The following PKLR variants were observed in gnomAD, a reference collection of about 807,000 sequenced individuals.
PKLR encodes pyruvate kinase PKLR.
Under a neutral mutation model 53.6 loss-of-function variants are expected in PKLR, and 38 were observed. The ratio of observed to expected loss-of-function variants is 0.71; its 90% CI spans 0.55 to 0.93. The LOEUF is 0.93. PKLR is among the 40% of genes least tolerant of loss of function. PKLR has a pLI of 0.00. For synonymous variants in PKLR, 328 were observed against 316.2 expected, an observed-to-expected ratio of 1.04 and a Z score of -0.39; for missense variants, 702 against 787.3, an observed-to-expected ratio of 0.89 and a Z score of 1.30.
chr1:155,298,131 G>A (rs1647701251), intron 2 of PKLR, among the ~76,000 whole-genome samples: 1 of 151,960 alleles, frequency 6.6e-6, no homozygotes, highest in Non-Finnish European at 1.5e-5. Flanking sequence ...CTGCCTTCCA[G>A]TTCAAGTGAT....
At position 155,293,562 on chromosome 1, in the gene PKLR, C is replaced by T. The variant is rs952129836; in HGVS notation, c.1145G>A (p.Arg382Gln). 4.3e-6 allele frequency: 7 copies of T among 1,614,154 alleles called. No individual in the cohort carries two copies. Among genetic ancestry groups the T allele is most frequent in the Admixed American group, 1.7e-5 (1 of 60,014 alleles). The change falls in exon 8 of 11, where the codon CGG becomes CAG. Residue 382 changes from arginine to glutamine, a missense_variant. Arg to Gln is a conservative substitution (Grantham distance 43). Around this residue, in one of 2 missense-constraint regions of PKLR, gnomAD observed 519 missense variants for 537.1 expected, o/e 0.97. Transcript: ENST00000342741. This position sits in a 1 kb window ranked among gnomAD's most constrained non-coding sequence, Gnocchi z 4.2. Reference protein sequence around the residue: ...QMLESMITKPRPTRAETSDVA... With the variant: ...QMLESMITKPQPTRAETSDVA... ...ATCGCTTGTCTCTGCCCTCGTTGGCCGGGGCTTGGTAATCATGCTCTCCAG... is the reference window on the plus strand; with the variant it reads ...ATCGCTTGTCTCTGCCCTCGTTGGCTGGGGCTTGGTAATCATGCTCTCCAG...
chr1:155,301,971 C>T (rs937731303), upstream of PKLR, among the ~76,000 whole-genome samples: 64 of 152,120 alleles, frequency 4.2e-4, no homozygotes, highest in African/African-American at 1.5e-3. Flanking sequence ...ACTGAAAGAT[C>T]GACTATTTTG....
At chr1:155,294,109 G>T (rs556455061) in intron 7 of PKLR, 126 bp downstream of exon 7, 1 of 1,111,476 alleles carries the variant, frequency 9.0e-7, no homozygotes, top group South Asian at 1.3e-5. Flanking sequence ...CTCCAGCCTG[G>T]ATGACAGAGT....
chr1:155,293,137 A>T lies in PKLR; in HGVS notation c.1436+40T>A. On this transcript the variant is annotated intron_variant, in intron 9 of 10. Coordinates refer to ENST00000342741, the MANE Select transcript of PKLR (RefSeq NM_000298.6). The surrounding 1 kb of genome is among the most constrained non-coding windows in gnomAD (Gnocchi z 4.2). ...TGGGGCCCGTCCCAGCCCACCCCTGACCCAAAGCTCCATCTGGACATTCCC... is the reference window on the plus strand; with the variant it reads ...TGGGGCCCGTCCCAGCCCACCCCTGTCCCAAAGCTCCATCTGGACATTCCC... 46 of 1,240,670 alleles carry T rather than the reference A, an allele frequency of 3.7e-5. No homozygotes were observed. Among genetic ancestry groups the T allele is most frequent in the Non-Finnish European group, 5.2e-5 (44 of 847,454 alleles). The allele number at this position is 1,240,670 out of a possible 1,614,324, so 76.9% of individuals were successfully genotyped here.
chr1:155,298,127 T>C (rs1647700930), intron 2 of PKLR, among the ~76,000 whole-genome samples: 3 of 151,980 alleles, frequency 2.0e-5, no homozygotes, highest in Non-Finnish European at 4.4e-5. Context: ...CTCCCTGCCT[T>C]CCAGTTCAAG....
chr1:155,299,108 T>G (rs1647828008), intron 2 of PKLR, among the ~76,000 whole-genome samples: 1 of 150,758 alleles, frequency 6.6e-6, no homozygotes, highest in South Asian at 2.1e-4. Flanking sequence ...CTGCTTGCTT[T>G]CTTTCCTTCC....
intron 10 of PKLR, among the ~76,000 whole-genome samples, chr1:155,291,268 C>T (rs1415379342): frequency 2.0e-5 from 3 of 151,912 alleles, no homozygotes; most frequent in East Asian, 2.0e-4. Flanking sequence ...GAGTCCGAGG[C>T]GGGCGGATCA....
chr1:155,296,360 CG>C (rs1231128428), intron 2 of PKLR, among the ~76,000 whole-genome samples: 11 of 151,346 alleles, frequency 7.3e-5, no homozygotes, highest in Non-Finnish European at 1.5e-4. Flanking sequence ...TTTTTTGAGA[CG>C]GGGGGAGTTT....
chr1:155,298,951 C>CACCT (rs1647761447), intron 2 of PKLR, among the ~76,000 whole-genome samples: 8 of 145,442 alleles, frequency 5.5e-5, no homozygotes, highest in African/African-American at 1.5e-4. Context: ...CCAACTTTCA[C>CACCT]TCCTTTCTTT....
intron 5 of PKLR, 138 bp from the exon 6 acceptor site, chr1:155,294,890 G>T: frequency 1.6e-6 from 2 of 1,227,166 alleles, no homozygotes; most frequent in Non-Finnish European, 2.3e-6. Context: ...TCTGGGCTTC[G>T]CCCGGAAGAG....
Position 155,293,347 on chromosome 1 carries a change from C to T in PKLR, c.1270-4G>A. 6.2e-7 allele frequency: 1 copy of T among 1,614,248 alleles called. No homozygotes were observed. Among genetic ancestry groups the T allele is most frequent in the African/African-American group, 1.3e-5 (1 of 75,068 alleles). On this transcript the variant is annotated splice_polypyrimidine_tract_variant and splice_region_variant and intron_variant, in intron 8 of 10. Transcript: ENST00000342741. This position sits in a 1 kb window ranked among gnomAD's most constrained non-coding sequence, Gnocchi z 4.2. ...CGGCCTCTGCCTCCCGGGCAATCTG[C>T]AGGTGCCAGAATGTTAGTCTGGGAA...
intron 2 of PKLR, among the ~76,000 whole-genome samples, chr1:155,299,049 T>TTTCC (rs71077995): frequency 4.6e-5 from 6 of 130,506 alleles, no homozygotes; most frequent in South Asian, 2.6e-4. Flanking sequence ...TCTTTCTTTC[T>TTTCC]TTCCTTCCTT....
At position 155,290,793 on chromosome 1, in the gene PKLR, A is replaced by G. The variant is rs533860226; in HGVS notation, c.1619-115T>C. On this transcript the variant is annotated intron_variant, in intron 10 of 10. Transcript: ENST00000342741. ...CACCTGAGGTCAGGAGTTTGAGACC[A>G]GCCTGGCCAACATGGTGAAACCTTG... The G allele has an allele frequency of 2.9e-4, 205 of 705,972 alleles. 4 individuals carry two copies. The highest frequency in any genetic ancestry group is 2.9e-3 in the South Asian group (198 of 68,236). The allele number at this position is 705,972 out of a possible 1,614,324, so 43.7% of individuals were successfully genotyped here. A position where few individuals can be genotyped will look rare whatever the true frequency, so the allele number is the denominator to read the frequency against.
In PKLR at chr1:155,293,611, C is replaced by T; in HGVS notation, c.1117-21G>A. The T allele has an allele frequency of 6.2e-7, 1 of 1,613,902 alleles. No individual in the cohort carries two copies. The highest frequency in any genetic ancestry group is 8.5e-7 in the Non-Finnish European group (1 of 1,179,884). ...AGCATCTGGGGGACAGCGTGGATGT[C>T]AAAGTTGTAGGACTCACACTGTGAC... is the stretch of plus-strand genomic sequence containing the variant. On this transcript the variant is annotated intron_variant, in intron 7 of 10. Transcript: ENST00000342741. This position sits in a 1 kb window ranked among gnomAD's most constrained non-coding sequence, Gnocchi z 4.2.
At chr1:155,299,941 A>G (rs1279929895) in intron 2 of PKLR, among the ~76,000 whole-genome samples, 157 bp downstream of exon 2, 1 of 152,152 alleles carries the variant, frequency 6.6e-6, no homozygotes, top group Non-Finnish European at 1.5e-5. Flanking sequence ...ATCTACTCCC[A>G]GGGCCCAAAA....
chr1:155,303,545 C>A (rs1225004511), upstream of PKLR, among the ~76,000 whole-genome samples: 1 of 152,224 alleles, frequency 6.6e-6, no homozygotes, highest in African/African-American at 2.4e-5. Context: ...AACTACAAAC[C>A]TTGCAAGTGC....
intron 2 of PKLR, among the ~76,000 whole-genome samples, chr1:155,298,676 T>C (rs1359230922): frequency 6.6e-6 from 1 of 151,680 alleles, no homozygotes; most frequent in Non-Finnish European, 1.5e-5. Context: ...AGTTTCGCTC[T>C]TGTTGCCCAA....
intron 10 of PKLR, among the ~76,000 whole-genome samples, chr1:155,291,027 AT>A (rs1674514703): frequency 7.0e-6 from 1 of 142,838 alleles, no homozygotes; most frequent in Non-Finnish European, 1.5e-5. Flanking sequence ...AATAATAATA[AT>A]AATAATAATA....
chr1:155,298,473 C>G (rs1157972912), intron 2 of PKLR, among the ~76,000 whole-genome samples: 1 of 151,692 alleles, frequency 6.6e-6, no homozygotes, highest in Non-Finnish European at 1.5e-5. Flanking sequence ...GGATTACAGG[C>G]ATGCACCACC....
Sources: gnomAD v4.1 joint callset for allele counts (sites outside exome capture counted in the v4.1 genomes callset) on GRCh38, gnomAD v4.1.1 for gene constraint, gnomAD v4.1.1 regional missense constraint, Gnocchi (gnomAD v3.1) non-coding constraint, MANE v1.5 for transcripts, NCBI Gene and HGNC (gene_info 2026-07-23, HGNC 2026-07-21) for gene names.